PHACTR3: variants seen among roughly 807,000 people sequenced by gnomAD.
The protein encoded by PHACTR3 is phosphatase and actin regulator 3, also known as protein phosphatase 1, regulatory subunit 123.
PHACTR3 carries 16 observed loss-of-function variants against 66.8 expected under a neutral mutation model. The ratio of observed to expected loss-of-function variants is 0.24; its 90% confidence interval spans 0.16 to 0.36. The LOEUF (loss-of-function observed/expected upper bound fraction) is 0.36. Among genes scored for constraint, PHACTR3 ranks in the 10% least tolerant of loss-of-function variants. The pLI is 1.00. For missense variants in PHACTR3, 647 were observed against 719.9 expected, an observed-to-expected ratio of 0.90 and a Z score of 1.16; for synonymous variants, 323 against 292.1, an observed-to-expected ratio of 1.11 and a Z score of -1.08.
intron 1 of PHACTR3, among the ~76,000 whole-genome samples, chr20:59,702,864 C>T (rs1341968352): frequency 6.6e-5 from 10 of 152,164 alleles, no homozygotes; most frequent in African/African-American, 2.4e-4. Flanking sequence ...GTATTTTGGA[C>T]CTGGGTGGGA....
chr20:59,661,507 CAG>C (rs2035804114), intron 1 of PHACTR3, among the ~76,000 whole-genome samples: 1 of 152,184 alleles, frequency 6.6e-6, no homozygotes, highest in Non-Finnish European at 1.5e-5. Context: ...GAGAACCAGA[CAG>C]AGTGGCTGAG....
intron 1 of PHACTR3, among the ~76,000 whole-genome samples, chr20:59,608,648 C>A (rs1289771992): frequency 6.6e-6 from 1 of 152,202 alleles, no homozygotes; most frequent in African/African-American, 2.4e-5. Context: ...CATCACTGCT[C>A]CTCACCAGCC....
At chr20:59,663,197 C>T (rs1270281042) in intron 1 of PHACTR3, among the ~76,000 whole-genome samples, 4 of 152,212 alleles carry the variant, frequency 2.6e-5, no homozygotes, top group African/African-American at 9.6e-5. Context: ...TTAGGACCCA[C>T]CATAGGCTAG....
intron 1 of PHACTR3, among the ~76,000 whole-genome samples, chr20:59,622,339 A>C (rs1427976526): frequency 3.3e-5 from 5 of 152,110 alleles, no homozygotes; most frequent in Non-Finnish European, 7.4e-5. Context: ...TCATCAGGCC[A>C]TGCTTTAAGG....
intron 1 of PHACTR3, among the ~76,000 whole-genome samples, chr20:59,637,813 A>G (rs1300917270): frequency 1.3e-5 from 2 of 152,098 alleles, no homozygotes; most frequent in Non-Finnish European, 2.9e-5. Flanking sequence ...AGAAGTTGCT[A>G]GAAGACAGGG....
At chr20:59,708,424 G>A (rs565624639) in intron 1 of PHACTR3, among the ~76,000 whole-genome samples, 3 of 152,302 alleles carry the variant, frequency 2.0e-5, no homozygotes, top group Admixed American at 1.3e-4. Flanking sequence ...ATGGAGAACC[G>A]TGCCCTGGCT....
At chr20:59,620,051 T>C (rs2034177822) in intron 1 of PHACTR3, among the ~76,000 whole-genome samples, 1 of 152,208 alleles carries the variant, frequency 6.6e-6, no homozygotes, top group Non-Finnish European at 1.5e-5. Flanking sequence ...AGGCCCTCCC[T>C]GGCTTCTCAC....
chr20:59,759,098 G>T (rs1231399618), intron 4 of PHACTR3, among the ~76,000 whole-genome samples: 1 of 152,086 alleles, frequency 6.6e-6, no homozygotes. Flanking sequence ...GCCTACAGAT[G>T]CTCCCAGAGA....
chr20:59,789,038 A>G (rs114694913), intron 7 of PHACTR3, among the ~76,000 whole-genome samples: 2,433 of 152,292 alleles, frequency 0.016, 63 homozygotes, highest in African/African-American at 0.055. Flanking sequence ...CTGCCCTCCC[A>G]CTAAAATCAA....
At chr20:59,598,846 A>C (rs1600886041) in intron 1 of PHACTR3, among the ~76,000 whole-genome samples, 1 of 152,066 alleles carries the variant, frequency 6.6e-6, no homozygotes, top group Non-Finnish European at 1.5e-5. Context: ...GCGGCTGCCC[A>C]CCTGACGAAC....
At chr20:59,706,664 C>CT (rs1347231473) in intron 1 of PHACTR3, among the ~76,000 whole-genome samples, 3 of 152,186 alleles carry the variant, frequency 2.0e-5, no homozygotes, top group Admixed American at 6.5e-5. Flanking sequence ...GAAAGAAGGG[C>CT]TTTTTTTCTG....
intron 2 of PHACTR3, among the ~76,000 whole-genome samples, chr20:59,744,130 G>A (rs1353470084): frequency 6.6e-6 from 1 of 152,226 alleles, no homozygotes; most frequent in Admixed American, 6.5e-5. Flanking sequence ...TGGCATGGAG[G>A]AGCCAACTCA....
At chr20:59,584,091 A>T (rs2032944569) in intron 1 of PHACTR3, among the ~76,000 whole-genome samples, 1 of 152,232 alleles carries the variant, frequency 6.6e-6, no homozygotes, top group Non-Finnish European at 1.5e-5. Context: ...GTGGGCAAGA[A>T]GGTGTCGTAC....
chr20:59,762,627 C>T (rs2040031494), intron 4 of PHACTR3, among the ~76,000 whole-genome samples: 3 of 152,310 alleles, frequency 2.0e-5, no homozygotes, highest in Admixed American at 2.0e-4. Context: ...GGCTAGCCTT[C>T]CAGAGTTCTC....
At chr20:59,617,545 A>T (rs962106771) in intron 1 of PHACTR3, among the ~76,000 whole-genome samples, 1 of 147,832 alleles carries the variant, frequency 6.8e-6, no homozygotes, top group Admixed American at 6.8e-5. Flanking sequence ...GATTCCAGTC[A>T]TTTTTTTTTT....
At chr20:59,785,848 C>T (rs958575875) in intron 7 of PHACTR3, among the ~76,000 whole-genome samples, 2 of 40,520 alleles carry the variant, frequency 4.9e-5, no homozygotes, top group African/African-American at 1.0e-4. Context: ...TCCAGCAGCC[C>T]TCTGCATCCC....
chr20:59,730,862 G>A (rs532151584), intron 1 of PHACTR3, among the ~76,000 whole-genome samples: 15 of 152,276 alleles, frequency 9.9e-5, no homozygotes, highest in Middle Eastern at 3.4e-3. Context: ...CGGCAGCAGA[G>A]ACTGTGTGGC....
At chr20:59,578,633 G>C (rs6100509) in intron 1 of PHACTR3, among the ~76,000 whole-genome samples, 77,833 of 152,026 alleles carry the variant, frequency 0.51, 23,691 homozygotes, top group African/African-American at 0.82. Flanking sequence ...AGAAGCCGGG[G>C]ACACTGCTAA....
At chr20:59,828,727 G>T (rs963767043) in intron 8 of PHACTR3, among the ~76,000 whole-genome samples, 8 of 152,064 alleles carry the variant, frequency 5.3e-5, no homozygotes, top group Non-Finnish European at 8.8e-5. Context: ...GGAGTAGGAG[G>T]GGCTGCTGGA....
Sources: allele counts gnomAD v4.1 joint callset (sites outside exome capture counted in the v4.1 genomes callset), GRCh38; gene constraint gnomAD v4.1.1; transcripts MANE v1.5; gene names NCBI Gene and HGNC (gene_info 2026-07-23, HGNC 2026-07-21).